JADE1: variants seen among roughly 807,000 people sequenced by gnomAD.
JADE1 encodes protein Jade-1.
Under a neutral mutation model 81.8 loss-of-function variants are expected in JADE1, and 14 were observed. The observed-to-expected ratio is 0.17, with a 90% confidence interval of 0.11 to 0.27. The LOEUF is 0.27. JADE1 is among the 10% of genes least tolerant of loss of function. The pLI is 1.00. For missense variants in JADE1, 690 were observed against 1,047.9 expected (o/e 0.66, Z 4.71); for synonymous variants, 353 against 391.9 (o/e 0.90, Z 1.17).
intron 9 of JADE1, among the ~76,000 whole-genome samples, chr4:128,865,265 G>C (rs1731700149): frequency 6.6e-6 from 1 of 152,180 alleles, no homozygotes; most frequent in Non-Finnish European, 1.5e-5. Context: ...ATCTCAGGGT[G>C]TTGTCCCTGA....
At position 128,872,057 on chromosome 4, in the gene JADE1, A is replaced by T; in HGVS notation, c.2324A>T (p.Asp775Val). The T allele has an allele frequency of 1.9e-6, 3 of 1,614,126 alleles. No individual in the cohort carries two copies. Among genetic ancestry groups the T allele is most frequent in the South Asian group, 2.2e-5 (2 of 91,084 alleles). ...AHDGACHQHS[D>V]YPYLGLGRVP... ...GATGGGGCCTGCCACCAGCACTCAGACTACCCATATTTGGGCTTAGGCCGA... is the reference window on the plus strand; with the variant it reads ...GATGGGGCCTGCCACCAGCACTCAGTCTACCCATATTTGGGCTTAGGCCGA... The change falls in exon 11 of 11, where the codon GAC becomes GTC. Residue 775 changes from aspartate (D) to valine (V), a missense_variant. Transcript: ENST00000226319.
intron 10 of JADE1, among the ~76,000 whole-genome samples, chr4:128,869,864 C>G (rs1459786525): frequency 6.6e-6 from 1 of 152,096 alleles, no homozygotes; most frequent in African/African-American, 2.4e-5. Context: ...TTTTTCCAGT[C>G]CTAGGCTTCA....
chr4:128,863,598 C>T (rs537580973), intron 9 of JADE1: 18 of 985,388 alleles, frequency 1.8e-5, no homozygotes, highest in East Asian at 2.3e-4. Context: ...CTGGGAAGGC[C>T]GCGGATTCCG....
intron 8 of JADE1, among the ~76,000 whole-genome samples, chr4:128,859,492 C>T (rs1731123265): frequency 6.6e-6 from 1 of 150,974 alleles, no homozygotes; most frequent in Non-Finnish European, 1.5e-5. Flanking sequence ...TGTGAGTATG[C>T]ATGTGTATGT....
chr4:128,863,306 G>C (rs1401932108), intron 9 of JADE1: 2 of 985,372 alleles, frequency 2.0e-6, no homozygotes, highest in Admixed American at 6.2e-5. Flanking sequence ...CAACTCCCCT[G>C]GCTGCTGGCT....
Position 128,875,103 on chromosome 4 carries a change from AC to A in JADE1, c.*2846del, listed in dbSNP as rs1321570154. The A allele has an allele frequency of 6.6e-6, 1 of 152,098 alleles. No homozygotes were observed. Among genetic ancestry groups the A allele is most frequent in the African/African-American group, 2.4e-5 (1 of 41,286 alleles). 9.4% of individuals were successfully genotyped at this position (152,098 alleles called of 1,614,324 possible). A position where few individuals can be genotyped will look rare whatever the true frequency, so the allele number is the denominator to read the frequency against. ...ATGACCCAATCCTGTATTTATTTCT[AC>A]CCCCTTTTTGAAAGTATTTATAAAA... On this transcript the variant is annotated 3_prime_UTR_variant, in exon 11 of 11. Coordinates refer to ENST00000226319, the MANE Select transcript of JADE1 (RefSeq NM_199320.4).
At chr4:128,861,088 A>G (rs537870519) in intron 8 of JADE1, among the ~76,000 whole-genome samples, 1 of 152,158 alleles carries the variant, frequency 6.6e-6, no homozygotes, top group African/African-American at 2.4e-5. Flanking sequence ...GTCAGGATTT[A>G]TGTTCAAACT....
In JADE1 at chr4:128,873,951, G is replaced by A. The variant is rs1157745752; in HGVS notation, c.*1689G>A. On this transcript the variant is annotated 3_prime_UTR_variant, in exon 11 of 11. Coordinates refer to ENST00000226319, the MANE Select transcript of JADE1 (RefSeq NM_199320.4). ...TCTGATACATCCCCATTGTATGTAC[G>A]ACATTTTCAAACCAAGTCTTAACTT... 3 of 152,688 alleles carry A rather than the reference G, an allele frequency of 2.0e-5. No individual in the cohort carries two copies. Among genetic ancestry groups the A allele is most frequent in the East Asian group, 3.9e-4 (2 of 5,176 alleles). The allele number at this position is 152,688 out of a possible 1,614,324, so 9.5% of individuals were successfully genotyped here. A position where few individuals can be genotyped will look rare whatever the true frequency, so the allele number is the denominator to read the frequency against.
intron 2 of JADE1, among the ~76,000 whole-genome samples, chr4:128,836,897 C>T (rs1321914719): frequency 1.3e-5 from 2 of 152,044 alleles, no homozygotes; most frequent in Non-Finnish European, 2.9e-5. Context: ...GTATGATCAG[C>T]ATCTTTATAT....
chr4:128,853,221 G>A (rs1389405124), intron 6 of JADE1, among the ~76,000 whole-genome samples: 1 of 152,156 alleles, frequency 6.6e-6, no homozygotes, highest in Non-Finnish European at 1.5e-5. Flanking sequence ...TGGGACTAGA[G>A]ACCCACCCTA....
chr4:128,869,679 G>A lies in JADE1; in HGVS notation c.1622-1676G>A, dbSNP rs148462243. Among the ~76,000 whole-genome samples, 530 of 152,264 alleles carry A rather than the reference G, an allele frequency of 3.5e-3. 4 individuals carry two copies. The highest frequency in any genetic ancestry group is 5.6e-3 in the Non-Finnish European group (379 of 68,020). ...TAATAAGTCTGGGAGTTATTTTGTGGTAACAGAGCTGTAATGTAGATCTGC... is the reference window on the plus strand; with the variant it reads ...TAATAAGTCTGGGAGTTATTTTGTGATAACAGAGCTGTAATGTAGATCTGC... On this transcript the variant is annotated intron_variant, in intron 10 of 10. Transcript: ENST00000226319.
chr4:128,842,014 C>G lies in JADE1; in HGVS notation c.53-939C>G, dbSNP rs186102581. Among the ~76,000 whole-genome samples, 169 of 152,230 alleles carry G rather than the reference C, an allele frequency of 1.1e-3. 1 individual carries two copies. The highest frequency in any genetic ancestry group is 2.8e-4 in the Non-Finnish European group (19 of 68,012). ...GAGGCCAGATGATAGGAGTAGACCC[C>G]CCTTTGGAAGAAAGGCAGAGAACAG... On this transcript the variant is annotated intron_variant, in intron 2 of 10. Coordinates refer to ENST00000226319, the MANE Select transcript of JADE1 (RefSeq NM_199320.4).
chr4:128,825,773 A>G (rs1430850934), intron 1 of JADE1, among the ~76,000 whole-genome samples: 2 of 152,230 alleles, frequency 1.3e-5, no homozygotes, highest in Non-Finnish European at 2.9e-5. Flanking sequence ...AATGTACTGC[A>G]TTTTAACCCA....
intron 10 of JADE1, among the ~76,000 whole-genome samples, chr4:128,869,012 G>C (rs953752617): frequency 1.3e-5 from 2 of 152,172 alleles, no homozygotes; most frequent in Admixed American, 1.3e-4. Flanking sequence ...AGAGAACAAA[G>C]AAGTTGTTAT....
At chr4:128,810,072 G>C (rs1346530905) in intron 1 of JADE1, 195 bp downstream of exon 1, 1 of 153,074 alleles carries the variant, frequency 6.5e-6, no homozygotes, top group Non-Finnish European at 1.5e-5. Flanking sequence ...GTTCTCGGGA[G>C]TAATTTAATG....
chr4:128,814,567 CTTTTTTTTTT>C (rs376501164), intron 1 of JADE1, among the ~76,000 whole-genome samples: 2 of 135,218 alleles, frequency 1.5e-5, no homozygotes, highest in Non-Finnish European at 3.2e-5. Context: ...AGGATTTTTT[CTTTTTTTTTT>C]TTTTTTGAGA....
rs951499629 is a variant in JADE1 at position 128,873,966 on chromosome 4, A to C, written c.*1704A>C. 8 of 152,652 alleles carry C rather than the reference A, an allele frequency of 5.2e-5. No individual in the cohort carries two copies. Among genetic ancestry groups the C allele is most frequent in the Admixed American group, 3.9e-4 (6 of 15,284 alleles). The allele number at this position is 152,652 out of a possible 1,614,324, so 9.5% of individuals were successfully genotyped here. On this transcript the variant is annotated 3_prime_UTR_variant, in exon 11 of 11. Coordinates refer to ENST00000226319, the MANE Select transcript of JADE1 (RefSeq NM_199320.4). ...TTGTATGTACGACATTTTCAAACCA[A>C]GTCTTAACTTTTCAAGGACATTTTA...
chr4:128,845,411 T>C (rs1050270340), intron 3 of JADE1, among the ~76,000 whole-genome samples: 1 of 152,212 alleles, frequency 6.6e-6, no homozygotes, highest in Non-Finnish European at 1.5e-5. Flanking sequence ...CTCTATTTCC[T>C]TTCCCCACAA....
At chr4:128,850,239 G>A (rs183812549) in intron 5 of JADE1, among the ~76,000 whole-genome samples, 4 of 151,810 alleles carry the variant, frequency 2.6e-5, no homozygotes, top group Non-Finnish European at 5.9e-5. Flanking sequence ...AGTCACTTGA[G>A]GGGGTGGAGG....
Sources: gnomAD v4.1 joint callset for allele counts (sites outside exome capture counted in the v4.1 genomes callset) on GRCh38, gnomAD v4.1.1 for gene constraint, MANE v1.5 for transcripts, NCBI Gene and HGNC (gene_info 2026-07-23, HGNC 2026-07-21) for gene names.